NR3C2: variants seen among roughly 807,000 people sequenced by gnomAD.
The protein encoded by NR3C2 is nuclear receptor subfamily 3 group C member 2, also known as mineralocorticoid receptor.
Under a neutral mutation model 86.4 loss-of-function variants are expected in NR3C2, and 15 were observed. The observed-to-expected ratio is 0.17, with a 90% CI of 0.12 to 0.27. NR3C2 has a LOEUF of 0.27. NR3C2 is among the 10% of genes least tolerant of loss of function. The probability of loss-of-function intolerance (pLI) is 1.00; values close to 1 mark genes in which losing one functional copy is unlikely to be tolerated. For missense variants in NR3C2, 960 were observed against 1,195.6 expected (o/e 0.80, Z 2.91); for synonymous variants, 458 against 450.5 (o/e 1.02, Z -0.21).
intron 2 of NR3C2, 26 bp downstream of exon 2, chr4:148,435,078 C>T (rs916886996): frequency 5.1e-5 from 82 of 1,612,090 alleles, no homozygotes; most frequent in Admixed American, 6.7e-5. Context: ...CCATGACTTC[C>T]AAAAAAATGG....
chr4:148,161,419 G>T (rs1303030435), intron 4 of NR3C2, among the ~76,000 whole-genome samples: 1 of 151,396 alleles, frequency 6.6e-6, no homozygotes, highest in Non-Finnish European at 1.5e-5. Context: ...TCACCGTATC[G>T]GCTCACTGCA....
chr4:148,331,374 A>G (rs934521508), intron 2 of NR3C2, among the ~76,000 whole-genome samples: 1 of 152,220 alleles, frequency 6.6e-6, no homozygotes, highest in Non-Finnish European at 1.5e-5. Flanking sequence ...TCACAGGGCT[A>G]CATCCATCAA....
intron 2 of NR3C2, among the ~76,000 whole-genome samples, chr4:148,309,359 TTAAA>T (rs1162931913): frequency 6.6e-6 from 1 of 152,030 alleles, no homozygotes; most frequent in Non-Finnish European, 1.5e-5. Context: ...AATTTTGCCC[TTAAA>T]TAACCCACCA....
intron 4 of NR3C2, among the ~76,000 whole-genome samples, chr4:148,193,438 G>A (rs1736298651): frequency 6.6e-6 from 1 of 152,172 alleles, no homozygotes; most frequent in South Asian, 2.1e-4. Flanking sequence ...AATTCACAAT[G>A]CAAGCCTCCG....
At chr4:148,433,849 A>G (rs1041710392) in intron 2 of NR3C2, among the ~76,000 whole-genome samples, 1 of 152,192 alleles carries the variant, frequency 6.6e-6, no homozygotes, top group Non-Finnish European at 1.5e-5. Flanking sequence ...ATGCTATCTC[A>G]TGACTTGTGT....
chr4:148,226,812 G>T (rs1204826662), intron 3 of NR3C2, among the ~76,000 whole-genome samples: 1 of 152,016 alleles, frequency 6.6e-6, no homozygotes, highest in Admixed American at 6.6e-5. Context: ...GTTTTAATTT[G>T]CCATTTGTAT....
At chr4:148,200,350 C>A (rs541886078) in intron 3 of NR3C2, among the ~76,000 whole-genome samples, 3 of 151,002 alleles carry the variant, frequency 2.0e-5, no homozygotes, top group South Asian at 4.2e-4. Context: ...CACATCCCCA[C>A]CCCCCACACA....
intron 2 of NR3C2, among the ~76,000 whole-genome samples, chr4:148,341,276 T>C (rs1579181523): frequency 1.3e-5 from 2 of 152,090 alleles, no homozygotes; most frequent in Admixed American, 1.3e-4. Context: ...TATTCGCCCA[T>C]GAAAAGAATG....
intron 4 of NR3C2, among the ~76,000 whole-genome samples, chr4:148,172,485 G>T (rs777470028): frequency 6.6e-6 from 1 of 152,106 alleles, no homozygotes; most frequent in South Asian, 2.1e-4. Context: ...GCATTGTCCT[G>T]GTGCAGGGAT....
At chr4:148,099,139 T>C (rs781183602) in intron 8 of NR3C2, among the ~76,000 whole-genome samples, 2 of 152,240 alleles carry the variant, frequency 1.3e-5, no homozygotes, top group Admixed American at 6.5e-5. Context: ...AAACAGATTA[T>C]ATTATGCCTA....
chr4:148,197,468 T>G (rs553877570), intron 3 of NR3C2, among the ~76,000 whole-genome samples: 1 of 152,342 alleles, frequency 6.6e-6, no homozygotes, highest in South Asian at 2.1e-4. Context: ...TGGTCTGCTG[T>G]AGTCTAAGAT....
chr4:148,176,924 A>G lies in NR3C2; in HGVS notation c.2014+17822T>C, dbSNP rs557100443. The stretch of plus-strand genomic sequence containing the variant: ...TTCATTCCCATTTAAAATATTTCAC[A>G]TTAGTACGCTGAAGGAAGAAGAACA... On this transcript the variant is annotated intron_variant, in intron 4 of 8. Coordinates refer to ENST00000358102, the MANE Select transcript of NR3C2 (RefSeq NM_000901.5). Among the ~76,000 whole-genome samples, 18 of 152,356 alleles carry G rather than the reference A, an allele frequency of 1.2e-4. No individual in the cohort carries two copies. In the South Asian group the frequency reaches 3.3e-3, roughly 28 times the overall value.
At chr4:148,143,408 C>T (rs953349090) in intron 6 of NR3C2, among the ~76,000 whole-genome samples, 25 of 152,318 alleles carry the variant, frequency 1.6e-4, no homozygotes, top group Middle Eastern at 3.4e-3. Context: ...AGGACTGTTT[C>T]ACAATGCCGC....
intron 2 of NR3C2, among the ~76,000 whole-genome samples, chr4:148,367,319 G>T (rs929551485): frequency 6.6e-6 from 1 of 152,074 alleles, no homozygotes; most frequent in African/African-American, 2.4e-5. Flanking sequence ...TATACTTTTG[G>T]CATACGATAA....
At chr4:148,320,104 C>T (rs1743479459) in intron 2 of NR3C2, among the ~76,000 whole-genome samples, 1 of 114,634 alleles carries the variant, frequency 8.7e-6, no homozygotes, top group Non-Finnish European at 1.7e-5. Context: ...TGAATTTTGT[C>T]AAAGGCTTTT....
chr4:148,100,380 C>T (rs1460030669), intron 8 of NR3C2, among the ~76,000 whole-genome samples: 1 of 151,768 alleles, frequency 6.6e-6, no homozygotes, highest in African/African-American at 2.4e-5. Context: ...AGCTCAACAA[C>T]AAAAAAACAA....
At chr4:148,202,379 C>T (rs1363343167) in intron 3 of NR3C2, among the ~76,000 whole-genome samples, 1 of 152,204 alleles carries the variant, frequency 6.6e-6, no homozygotes, top group Non-Finnish European at 1.5e-5. Flanking sequence ...ATTAATCTGG[C>T]TTGCCTGCCT....
chr4:148,440,529 G>T (rs557052863), intron 1 of NR3C2, among the ~76,000 whole-genome samples: 1 of 152,352 alleles, frequency 6.6e-6, no homozygotes, highest in South Asian at 2.1e-4. Context: ...AATCAGGCTT[G>T]CCTGCCTCAC....
intron 4 of NR3C2, among the ~76,000 whole-genome samples, chr4:148,176,082 G>A (rs1735362770): frequency 6.6e-6 from 1 of 152,200 alleles, no homozygotes; most frequent in Admixed American, 6.5e-5. Flanking sequence ...GGGGGAAACA[G>A]TAATGTGTCA....
Sources: gnomAD v4.1 joint callset for allele counts (sites outside exome capture counted in the v4.1 genomes callset) on GRCh38, gnomAD v4.1.1 for gene constraint, MANE v1.5 for transcripts, NCBI Gene and HGNC (gene_info 2026-07-23, HGNC 2026-07-21) for gene names.